Variants in SDK1 observed in about 807,000 individuals in gnomAD.
SDK1 encodes sidekick cell adhesion molecule 1, also known as protein sidekick-1.
A neutral mutation model predicts 245.5 loss-of-function variants in SDK1; 157 were observed. The ratio of observed to expected loss-of-function variants is 0.64; its 90% CI spans 0.56 to 0.73. The LOEUF (loss-of-function observed/expected upper bound fraction) is 0.73, where lower values mean the gene tolerates loss of function less well. Ranked by LOEUF, SDK1 falls within the 30% of genes least tolerant of loss-of-function variation. The pLI is 0.00. For synonymous variants in SDK1, 1,647 were observed against 1,278.5 expected (o/e 1.29, Z -6.15); for missense variants, 3,583 against 3,002.3 (o/e 1.19, Z -4.52).
chr7:3,496,352 G>C (rs531537652), intron 1 of SDK1, among the ~76,000 whole-genome samples: 1 of 151,978 alleles, frequency 6.6e-6, no homozygotes, highest in Non-Finnish European at 1.5e-5. Context: ...GAGTCTCACT[G>C]TGTATTATTT....
intron 44 of SDK1, among the ~76,000 whole-genome samples, chr7:4,253,980 T>C (rs1400009172): frequency 6.6e-6 from 1 of 152,192 alleles, no homozygotes; most frequent in Non-Finnish European, 1.5e-5. Flanking sequence ...TTTTGCTCTA[T>C]ATTTTTGGAT....
At chr7:3,597,828 T>G (rs1781115300) in intron 1 of SDK1, among the ~76,000 whole-genome samples, 1 of 152,212 alleles carries the variant, frequency 6.6e-6, no homozygotes, top group African/African-American at 2.4e-5. Flanking sequence ...TTTACCAGTT[T>G]GTTTCTTTTT....
intron 4 of SDK1, among the ~76,000 whole-genome samples, chr7:3,705,356 T>G (rs866083915): frequency 6.6e-6 from 1 of 151,864 alleles, no homozygotes; most frequent in Middle Eastern, 3.2e-3. Context: ...TCATCTATGA[T>G]TTTTTTCAGC....
intron 4 of SDK1, among the ~76,000 whole-genome samples, chr7:3,682,164 C>G (rs796424871): frequency 1.9e-4 from 29 of 152,308 alleles, no homozygotes; most frequent in African/African-American, 7.0e-4. Context: ...TTACCTCTCT[C>G]TACCACTCTG....
chr7:3,479,916 T>C (rs1160945116), intron 1 of SDK1, among the ~76,000 whole-genome samples: 1 of 152,078 alleles, frequency 6.6e-6, no homozygotes, highest in African/African-American at 2.4e-5. Flanking sequence ...AATTTTCTCC[T>C]AGTTCTTTCA....
intron 4 of SDK1, among the ~76,000 whole-genome samples, chr7:3,747,263 A>C (rs73304243): frequency 0.052 from 7,904 of 152,294 alleles, 590 homozygotes; most frequent in African/African-American, 0.17. Flanking sequence ...TTTATACCAT[A>C]ACCAACATTT....
intron 1 of SDK1, among the ~76,000 whole-genome samples, chr7:3,320,315 T>C (rs183192126): frequency 1.4e-4 from 21 of 152,220 alleles, no homozygotes; most frequent in Admixed American, 3.9e-4. Context: ...GTTCTCATAT[T>C]ATACATACTT....
chr7:3,420,997 G>GT (rs1779519873), intron 1 of SDK1, among the ~76,000 whole-genome samples: 1 of 149,904 alleles, frequency 6.7e-6, no homozygotes, highest in Non-Finnish European at 1.5e-5. Flanking sequence ...TACTTGGATT[G>GT]TTTTATTGTT....
intron 17 of SDK1, among the ~76,000 whole-genome samples, chr7:4,020,816 T>C (rs1023076160): frequency 6.6e-6 from 1 of 152,222 alleles, no homozygotes; most frequent in African/African-American, 2.4e-5. Flanking sequence ...GCCTGCAGTT[T>C]TCATTTGTGA....
At chr7:3,364,537 A>G (rs1781038358) in intron 1 of SDK1, among the ~76,000 whole-genome samples, 1 of 152,048 alleles carries the variant, frequency 6.6e-6, no homozygotes, top group Non-Finnish European at 1.5e-5. Flanking sequence ...TGAAAAGCCT[A>G]TTTTTTCTCC....
chr7:3,327,619 G>A (rs1043214903), intron 1 of SDK1, among the ~76,000 whole-genome samples: 1 of 151,980 alleles, frequency 6.6e-6, no homozygotes, highest in Non-Finnish European at 1.5e-5. Context: ...AAGCTGTCCA[G>A]TATAGGCCCA....
At chr7:4,121,246 C>T (rs1784045396) in intron 25 of SDK1, among the ~76,000 whole-genome samples, 1 of 152,040 alleles carries the variant, frequency 6.6e-6, no homozygotes. Context: ...GTGGATTTAC[C>T]TTTGTCCTAG....
At chr7:3,514,114 G>A (rs1362754093) in intron 1 of SDK1, among the ~76,000 whole-genome samples, 1 of 152,140 alleles carries the variant, frequency 6.6e-6, no homozygotes, top group African/African-American at 2.4e-5. Context: ...AAAGAAGAGA[G>A]GGACGACAAG....
intron 1 of SDK1, among the ~76,000 whole-genome samples, chr7:3,313,974 C>T (rs1428410945): frequency 6.6e-6 from 1 of 152,134 alleles, no homozygotes; most frequent in Non-Finnish European, 1.5e-5. Flanking sequence ...TCTAATGCCT[C>T]AGTGAATAAA....
At chr7:3,908,092 T>C (rs1273652714) in intron 5 of SDK1, among the ~76,000 whole-genome samples, 6 of 152,166 alleles carry the variant, frequency 3.9e-5, no homozygotes, top group African/African-American at 1.4e-4. Flanking sequence ...AAACATTTAT[T>C]GAGTGCCCGT....
At chr7:4,191,530 C>T (rs893886505) in intron 35 of SDK1, among the ~76,000 whole-genome samples, 21 of 152,264 alleles carry the variant, frequency 1.4e-4, no homozygotes, top group African/African-American at 5.1e-4. Flanking sequence ...CCAGTGGAGG[C>T]CTTTCTTCAG....
intron 25 of SDK1, 36 bp downstream of exon 25, chr7:4,114,310 C>T (rs1207687227): frequency 2.7e-6 from 4 of 1,503,026 alleles, no homozygotes; most frequent in Middle Eastern, 2.3e-4. Context: ...GGAGACACCG[C>T]ATTAGAGATG....
intron 4 of SDK1, among the ~76,000 whole-genome samples, chr7:3,645,520 C>G (rs1308530719): frequency 6.6e-6 from 1 of 152,138 alleles, no homozygotes; most frequent in Admixed American, 6.5e-5. Flanking sequence ...CCCAAGTACA[C>G]TGATTTGATC....
intron 1 of SDK1, among the ~76,000 whole-genome samples, chr7:3,503,543 T>C (rs1782285829): frequency 6.6e-6 from 1 of 152,126 alleles, no homozygotes; most frequent in Non-Finnish European, 1.5e-5. Context: ...CCAGTTGTGA[T>C]GGTGTTACTT....
Sources: allele counts gnomAD v4.1 joint callset (sites outside exome capture counted in the v4.1 genomes callset), GRCh38; gene constraint gnomAD v4.1.1; transcripts MANE v1.5; gene names NCBI Gene and HGNC (gene_info 2026-07-23, HGNC 2026-07-21).